The following TENM3 variants were observed in gnomAD, a reference collection of about 807,000 sequenced individuals.
TENM3 encodes the protein teneurin transmembrane protein 3.
A neutral mutation model predicts 255.1 loss-of-function variants in TENM3; 63 were observed. The observed-to-expected ratio is 0.25, with a 90% CI of 0.20 to 0.30. TENM3 has a LOEUF of 0.30. Ranked by LOEUF, TENM3 falls within the 10% of genes least tolerant of loss-of-function variation. The probability of loss-of-function intolerance (pLI) is 1.00; values close to 1 mark genes in which losing one functional copy is unlikely to be tolerated. For synonymous variants in TENM3, 1,306 were observed against 1,322.3 expected, an observed-to-expected ratio of 0.99 and a Z score of 0.27; for missense variants, 2,929 against 3,461.1, an observed-to-expected ratio of 0.85 and a Z score of 3.86.
intron 1 of TENM3, among the ~76,000 whole-genome samples, chr4:182,224,221 C>T (rs193234744): frequency 1.1e-3 from 165 of 152,224 alleles, no homozygotes; most frequent in Middle Eastern, 0.01. Flanking sequence ...TGTATCCGTT[C>T]TTATTCTTGC....
the TENM3 span, among the ~76,000 whole-genome samples, chr4:182,086,203 G>C: frequency 6.6e-6 from 1 of 152,100 alleles, no homozygotes; most frequent in African/African-American, 2.4e-5. Context: ...CTACCAGTCT[G>C]ACCCTGACTC....
the TENM3 span, among the ~76,000 whole-genome samples, chr4:181,791,645 C>T: frequency 2.6e-5 from 4 of 152,186 alleles, no homozygotes; most frequent in African/African-American, 4.8e-5. Context: ...AAACAGCATT[C>T]GGCAGTAAGG....
the TENM3 span, among the ~76,000 whole-genome samples, chr4:181,556,668 A>G: frequency 6.6e-6 from 1 of 152,168 alleles, no homozygotes; most frequent in Non-Finnish European, 1.5e-5. Flanking sequence ...TTGTTTTACT[A>G]CCTGCACTTC....
chr4:182,149,270 A>G (rs999092239), intron 1 of TENM3, among the ~76,000 whole-genome samples: 5 of 152,008 alleles, frequency 3.3e-5, no homozygotes, highest in African/African-American at 1.2e-4. Flanking sequence ...CACAAGTGCT[A>G]GAGTATAAAC....
the TENM3 span, among the ~76,000 whole-genome samples, chr4:182,068,800 A>G: frequency 6.6e-6 from 1 of 152,130 alleles, no homozygotes; most frequent in South Asian, 2.1e-4. Context: ...ATCTCTAAAC[A>G]TGAAGAATTT....
At position 182,800,474 on chromosome 4, in the gene TENM3, C is replaced by A. The variant is rs1002977426; in HGVS notation, c.*123C>A. 8.4e-7 allele frequency: 1 copy of A among 1,191,912 alleles called. No homozygotes were observed. Among genetic ancestry groups the A allele is most frequent in the Non-Finnish European group, 1.1e-6 (1 of 883,568 alleles). 73.8% of individuals were successfully genotyped at this position (1,191,912 alleles called of 1,614,324 possible). A position where few individuals can be genotyped will look rare whatever the true frequency, so the allele number is the denominator to read the frequency against. On this transcript the variant is annotated 3_prime_UTR_variant, in exon 28 of 28. Coordinates refer to ENST00000511685, the MANE Select transcript of TENM3 (RefSeq NM_001080477.4). ...GGGGGAATGAGACTGCTGTTACGAC[C>A]CACACCCACACCGCGAAAACAAGGA...
chr4:181,915,526 A>G, the TENM3 span, among the ~76,000 whole-genome samples: 1 of 152,142 alleles, frequency 6.6e-6, no homozygotes, highest in Admixed American at 6.6e-5. Context: ...AAGTGATTCA[A>G]AGAAAAAGAT....
the TENM3 span, among the ~76,000 whole-genome samples, chr4:181,853,112 T>A: frequency 2.0e-5 from 3 of 152,212 alleles, no homozygotes; most frequent in Non-Finnish European, 4.4e-5. Flanking sequence ...TAGTTTTATC[T>A]ACTTACTTTT....
At chr4:182,204,967 C>A (rs1258792715) in intron 1 of TENM3, among the ~76,000 whole-genome samples, 1 of 152,198 alleles carries the variant, frequency 6.6e-6, no homozygotes, top group East Asian at 1.9e-4. Flanking sequence ...AGCTTTGTGA[C>A]TTTTCGGTTG....
chr4:182,328,727 G>A (rs567735862), intron 2 of TENM3, among the ~76,000 whole-genome samples: 25 of 152,064 alleles, frequency 1.6e-4, no homozygotes, highest in Non-Finnish European at 1.8e-4. Flanking sequence ...GGGCCGTGCC[G>A]TCTCTTCATT....
the TENM3 span, among the ~76,000 whole-genome samples, chr4:182,015,035 A>C: frequency 2.2e-4 from 34 of 152,352 alleles, no homozygotes; most frequent in African/African-American, 7.9e-4. Context: ...CTCTAATAAC[A>C]CATTTACATA....
At chr4:181,929,289 A>G in the TENM3 span, among the ~76,000 whole-genome samples, 20,902 of 152,042 alleles carry the variant, frequency 0.14, 1,759 homozygotes, top group South Asian at 0.3. Flanking sequence ...CCCATCTCAC[A>G]TGTAAAGACA....
intron 3 of TENM3, among the ~76,000 whole-genome samples, chr4:182,514,566 T>C (rs1384388032): frequency 1.3e-5 from 2 of 152,224 alleles, no homozygotes; most frequent in East Asian, 3.9e-4. Flanking sequence ...CGGCCCTATA[T>C]GAAGATATGA....
chr4:181,486,506 G>A, the TENM3 span, among the ~76,000 whole-genome samples: 4 of 152,170 alleles, frequency 2.6e-5, no homozygotes, highest in African/African-American at 9.7e-5. Flanking sequence ...ATATAAAAAA[G>A]GAGGTCATTA....
chr4:181,632,927 T>C, the TENM3 span, among the ~76,000 whole-genome samples: 1 of 152,138 alleles, frequency 6.6e-6, no homozygotes. Flanking sequence ...ATAAGTGTCG[T>C]CTTGGGTTTG....
chr4:181,463,605 T>A, the TENM3 span, among the ~76,000 whole-genome samples: 21 of 152,224 alleles, frequency 1.4e-4, 1 homozygote, highest in Non-Finnish European at 2.4e-4. Context: ...TTGGTTGTTG[T>A]CATTGTTGGT....
intron 5 of TENM3, among the ~76,000 whole-genome samples, chr4:182,651,562 C>T (rs1205671898): frequency 1.3e-5 from 2 of 151,924 alleles, no homozygotes; most frequent in Admixed American, 6.6e-5. Flanking sequence ...CTGGGCGTGG[C>T]GGCGTGCGCC....
chr4:182,516,865 T>G (rs1489501347), intron 3 of TENM3, among the ~76,000 whole-genome samples: 1 of 148,626 alleles, frequency 6.7e-6, no homozygotes, highest in Non-Finnish European at 1.5e-5. Flanking sequence ...CACTCCAGCT[T>G]GGGCAACAGA....
chr4:182,800,490 A>G lies in TENM3; in HGVS notation c.*139A>G. 2 of 1,101,146 alleles carry G rather than the reference A, an allele frequency of 1.8e-6. No individual in the cohort carries two copies. Among genetic ancestry groups the G allele is most frequent in the Admixed American group, 3.0e-5 (1 of 32,892 alleles). The allele number at this position is 1,101,146 out of a possible 1,614,324, so 68.2% of individuals were successfully genotyped here. On this transcript the variant is annotated 3_prime_UTR_variant, in exon 28 of 28. Coordinates refer to ENST00000511685, the MANE Select transcript of TENM3 (RefSeq NM_001080477.4). ...TGTTACGACCCACACCCACACCGCG[A>G]AAACAAGGACCGCTTTTTTCCGAAT...
Sources: allele counts gnomAD v4.1 joint callset (sites outside exome capture counted in the v4.1 genomes callset), GRCh38; gene constraint gnomAD v4.1.1; transcripts MANE v1.5; gene names NCBI Gene and HGNC (gene_info 2026-07-23, HGNC 2026-07-21).